Variants in NADK2 observed in about 807,000 individuals in gnomAD.
The protein encoded by NADK2 is NAD kinase 2, mitochondrial.
Under a neutral mutation model 62.1 loss-of-function variants are expected in NADK2, and 35 were observed. That is an observed-to-expected ratio of 0.56 (90% CI 0.43 to 0.75). NADK2 has a LOEUF of 0.75. NADK2 is among the 30% of genes least tolerant of loss of function. The probability of loss-of-function intolerance (pLI) is 0.00; values close to 1 mark genes in which losing one functional copy is unlikely to be tolerated. For synonymous variants in NADK2, 205 were observed against 207.9 expected (o/e 0.99, Z 0.12); for missense variants, 439 against 561.3 (o/e 0.78, Z 2.20).
chr5:36,196,284 A>T (rs753751205), intron 11 of NADK2, among the ~76,000 whole-genome samples: 1 of 152,176 alleles, frequency 6.6e-6, no homozygotes, highest in Non-Finnish European at 1.5e-5. Context: ...AGAAAGTTGT[A>T]GTTGTTCCTC....
At chr5:36,236,471 C>CT (rs1747911366) in intron 1 of NADK2, among the ~76,000 whole-genome samples, 1 of 152,132 alleles carries the variant, frequency 6.6e-6, no homozygotes, top group African/African-American at 2.4e-5. Context: ...AGACATTTAA[C>CT]CCGAAACCTC....
chr5:36,226,413 T>G lies in NADK2; in HGVS notation c.478+62A>C, dbSNP rs1424967707. On this transcript the variant is annotated intron_variant, in intron 3 of 11. Transcript: ENST00000381937. ...CAATATAGCTAGACCCTAGGGTATC[T>G]GGAAATAATGTGTATTAAACATTTG... 3 of 1,310,648 alleles carry G rather than the reference T, an allele frequency of 2.3e-6. No individual in the cohort carries two copies. The Admixed American group carries it at 5.2e-5, about 23-fold the overall frequency. The allele number at this position is 1,310,648 out of a possible 1,614,324, so 81.2% of individuals were successfully genotyped here.
At chr5:36,208,602 T>C (rs935199768) in intron 7 of NADK2, 3 of 1,487,752 alleles carry the variant, frequency 2.0e-6, no homozygotes, top group South Asian at 2.5e-5. Flanking sequence ...AAATTATTTT[T>C]TTAAGGCAGC....
intron 1 of NADK2, among the ~76,000 whole-genome samples, chr5:36,231,606 G>A (rs1481916354): frequency 6.6e-6 from 1 of 152,162 alleles, no homozygotes; most frequent in Non-Finnish European, 1.5e-5. Context: ...CTATTCAACT[G>A]GCTTTAATTC....
In NADK2 at chr5:36,241,589, CCGG is replaced by C; in HGVS notation, c.207_209del (p.Arg70del). 5.2e-6 allele frequency: 8 copies of C among 1,525,414 alleles called. No individual in the cohort carries two copies. Among genetic ancestry groups the C allele is most frequent in the Non-Finnish European group, 7.0e-6 (8 of 1,146,502 alleles). 94.5% of individuals were successfully genotyped at this position (1,525,414 alleles called of 1,614,324 possible). A position where few individuals can be genotyped will look rare whatever the true frequency, so the allele number is the denominator to read the frequency against. ...GGGTGGTTTTGGCCACCACCACCAC[CCGG>C]GAGGGGCGGAAGCCGCCGTCCGCGC... On this transcript the variant is annotated inframe_deletion, in exon 1 of 12. Coordinates refer to ENST00000381937, the MANE Select transcript of NADK2 (RefSeq NM_001085411.3). This position sits in a 1 kb window ranked among gnomAD's most constrained non-coding sequence, Gnocchi z 4.9.
intron 6 of NADK2, 82 bp from the exon 7 acceptor site, chr5:36,212,004 A>G: frequency 9.9e-7 from 1 of 1,014,412 alleles, no homozygotes; most frequent in Non-Finnish European, 1.5e-6. Flanking sequence ...AAAACACTAC[A>G]ACTTTTATAT....
chr5:36,220,302 G>C (rs1245076786), intron 4 of NADK2, among the ~76,000 whole-genome samples: 1 of 152,192 alleles, frequency 6.6e-6, no homozygotes, highest in Non-Finnish European at 1.5e-5. Context: ...TTCATAGCTT[G>C]ATGTGGAAGA....
chr5:36,209,983 T>C (rs1746779374), intron 7 of NADK2, among the ~76,000 whole-genome samples: 2 of 152,320 alleles, frequency 1.3e-5, no homozygotes, highest in Admixed American at 6.5e-5. Context: ...TTGGCTACAA[T>C]GTGAATATCT....
chr5:36,216,517 C>T (rs1038209364), intron 6 of NADK2, among the ~76,000 whole-genome samples: 3 of 152,000 alleles, frequency 2.0e-5, no homozygotes, highest in African/African-American at 7.2e-5. Flanking sequence ...AATAATTTCC[C>T]CTGCCTGTTT....
rs148744174 is a variant in NADK2 at position 36,226,376 on chromosome 5, C to T, written c.478+99G>A. 1.4e-5 allele frequency: 12 copies of T among 873,072 alleles called. No homozygotes were observed. In the East Asian group the frequency reaches 2.9e-4, roughly 21 times the overall value. The allele number at this position is 873,072 out of a possible 1,614,324, so 54.1% of individuals were successfully genotyped here. A position where few individuals can be genotyped will look rare whatever the true frequency, so the allele number is the denominator to read the frequency against. ...TCCAAAAATGTGTTTAATGGTAAGA[C>T]TCTGAAGGCTTCAATATAGCTAGAC... On this transcript the variant is annotated intron_variant, in intron 3 of 11. Transcript: ENST00000381937.
At chr5:36,220,012 T>C (rs1252708716) in intron 4 of NADK2, among the ~76,000 whole-genome samples, 1 of 152,210 alleles carries the variant, frequency 6.6e-6, no homozygotes, top group Non-Finnish European at 1.5e-5. Flanking sequence ...CAAATCATTA[T>C]TTAACTACTA....
At chr5:36,213,267 G>A (rs1161910203) in intron 6 of NADK2, 2 of 152,076 alleles carry the variant, frequency 1.3e-5, no homozygotes, top group Non-Finnish European at 2.9e-5. Flanking sequence ...CATTTAAGAT[G>A]CTAAACTGAG....
At chr5:36,222,675 A>T (rs1326537553) in intron 4 of NADK2, among the ~76,000 whole-genome samples, 1 of 152,220 alleles carries the variant, frequency 6.6e-6, no homozygotes, top group Non-Finnish European at 1.5e-5. Flanking sequence ...TAGAAAGAAG[A>T]CTAAGGCAAT....
chr5:36,231,787 T>C (rs1747718195), intron 1 of NADK2, among the ~76,000 whole-genome samples: 1 of 152,198 alleles, frequency 6.6e-6, no homozygotes, highest in African/African-American at 2.4e-5. Context: ...GAACACATGA[T>C]TTCTTAGACA....
rs1746736557 is a variant in NADK2, at chr5:36,208,799, T to A, written c.861-1534A>T. ...GGAATAATATTGCTGCACTTCATAT[T>A]TTCCAAGCAAGGCACTTAAGTTTTC... On this transcript the variant is annotated intron_variant, in intron 7 of 11. Transcript: ENST00000381937. 7 of 731,572 alleles carry A rather than the reference T, an allele frequency of 9.6e-6. No individual in the cohort carries two copies. In the South Asian group the frequency reaches 1.3e-4, roughly 13 times the overall value. 45.3% of individuals were successfully genotyped at this position (731,572 alleles called of 1,614,324 possible). A position where few individuals can be genotyped will look rare whatever the true frequency, so the allele number is the denominator to read the frequency against.
At chr5:36,226,637 G>T in intron 2 of NADK2, 74 bp from the exon 3 acceptor site, 1 of 1,003,736 alleles carries the variant, frequency 1.0e-6, no homozygotes, top group Non-Finnish European at 1.5e-6. Context: ...TTTCTGAGAG[G>T]CAGATGATTA....
intron 1 of NADK2, among the ~76,000 whole-genome samples, chr5:36,237,648 A>C (rs1021753719): frequency 1.3e-5 from 2 of 152,280 alleles, no homozygotes; most frequent in African/African-American, 4.8e-5. Context: ...AATTGCTAGA[A>C]TATGAAATTT....
chr5:36,226,466 A>T lies in NADK2; in HGVS notation c.478+9T>A, dbSNP rs1398438868. 6.2e-7 allele frequency: 1 copy of T among 1,605,390 alleles called. No individual in the cohort carries two copies. The highest frequency in any genetic ancestry group is 8.5e-7 in the Non-Finnish European group (1 of 1,173,176). ...TATGCCAACATCTTTACTTCTGTCA[A>T]ATTATTACCTCCTGCAGCTATGACA... On this transcript the variant is annotated intron_variant, in intron 3 of 11. Coordinates refer to ENST00000381937, the MANE Select transcript of NADK2 (RefSeq NM_001085411.3).
Position 36,241,580 on chromosome 5 carries a change from C to T in NADK2, c.219G>A (p.Val73=). Residue 73 remains valine, a synonymous_variant, in exon 1 of 12, where the codon GTG becomes GTA. Coordinates refer to ENST00000381937, the MANE Select transcript of NADK2 (RefSeq NM_001085411.3). This position sits in a 1 kb window ranked among gnomAD's most constrained non-coding sequence, Gnocchi z 4.9. ...ACTCGTACCGGGTGGTTTTGGCCAC[C>T]ACCACCACCCGGGAGGGGCGGAAGC... ...DGGFRPSRVV[V]VAKTTRYEFE... 1 of 1,537,556 alleles carries T rather than the reference C, an allele frequency of 6.5e-7. No homozygotes were observed. The highest frequency in any genetic ancestry group is 8.7e-7 in the Non-Finnish European group (1 of 1,152,234).
Sources: allele counts gnomAD v4.1 joint callset (sites outside exome capture counted in the v4.1 genomes callset), GRCh38; gene constraint gnomAD v4.1.1; non-coding constraint Gnocchi (gnomAD v3.1); transcripts MANE v1.5; gene names NCBI Gene and HGNC (gene_info 2026-07-23, HGNC 2026-07-21).